The following INTS6 variants were observed in gnomAD, a reference collection of about 807,000 sequenced individuals.
INTS6 encodes the protein integrator complex subunit 6.
A neutral mutation model predicts 104.9 loss-of-function variants in INTS6; 16 were observed. That is an observed-to-expected ratio of 0.15 (90% CI 0.10 to 0.23). The LOEUF (loss-of-function observed/expected upper bound fraction) is 0.23, where lower values mean the gene tolerates loss of function less well. Ranked by LOEUF, INTS6 falls within the 10% of genes least tolerant of loss-of-function variation. INTS6 has a pLI of 1.00. For synonymous variants in INTS6, 324 were observed against 358.7 expected (o/e 0.90, Z 1.09); for missense variants, 584 against 1,062.8 (o/e 0.55, Z 6.26).
In INTS6 at chr13:51,451,989, A is replaced by T; in HGVS notation, c.178T>A (p.Tyr60Asn). ...YMLVTFEEPP[Y>N]AIKAGWKENH... ...GCGAGGGCTGTTACCTTGATAGCAT[A>T]GGGCGGCTCTTCGAAAGTGACCAGC... Residue 60 changes from tyrosine to asparagine, a missense_variant, in exon 2 of 18, where the codon TAT becomes AAT. By Grantham distance (143) the Tyr-to-Asn change is moderately radical. Coordinates refer to ENST00000311234, the MANE Select transcript of INTS6 (RefSeq NM_012141.3). 6.2e-7 allele frequency: 1 copy of T among 1,608,942 alleles called. No homozygotes were observed. Among genetic ancestry groups the T allele is most frequent in the Non-Finnish European group, 8.5e-7 (1 of 1,177,022 alleles).
At chr13:51,367,521 T>C (rs1192394779) in intron 17 of INTS6, among the ~76,000 whole-genome samples, 1 of 152,054 alleles carries the variant, frequency 6.6e-6, no homozygotes, top group Non-Finnish European at 1.5e-5. Context: ...AAAATATTAA[T>C]GTAAAGATAT....
Position 51,379,585 on chromosome 13 carries a change from A to G in INTS6, c.1276-13T>C, listed in dbSNP as rs1956005220. 2 of 1,432,194 alleles carry G rather than the reference A, an allele frequency of 1.4e-6. No individual in the cohort carries two copies. Among genetic ancestry groups the G allele is most frequent in the East Asian group, 2.4e-5 (1 of 42,474 alleles). The allele number at this position is 1,432,194 out of a possible 1,614,324, so 88.7% of individuals were successfully genotyped here. ...CTTTCTTCAAGGGCTATAGGAAAAA[A>G]GAAAACATCATTCAATATTAAGCTT... On this transcript the variant is annotated splice_polypyrimidine_tract_variant and intron_variant, in intron 10 of 17. Coordinates refer to ENST00000311234, the MANE Select transcript of INTS6 (RefSeq NM_012141.3).
At chr13:51,451,229 G>A (rs1211706299) in intron 2 of INTS6, 55 bp from the exon 3 acceptor site, 6 of 1,403,902 alleles carry the variant, frequency 4.3e-6, no homozygotes, top group East Asian at 4.9e-5. Context: ...CATGTACACA[G>A]AGCCGTTATA....
chr13:51,371,645 A>G (rs557358054), intron 15 of INTS6, among the ~76,000 whole-genome samples: 2 of 151,938 alleles, frequency 1.3e-5, no homozygotes, highest in South Asian at 4.2e-4. Context: ...CACAATCACC[A>G]TCTCTACTTG....
At chr13:51,370,362 T>C (rs750562000) in intron 15 of INTS6, among the ~76,000 whole-genome samples, 4 of 152,176 alleles carry the variant, frequency 2.6e-5, no homozygotes, top group East Asian at 1.9e-4. Context: ...GACTCAACCA[T>C]GCCATTCACG....
chr13:51,370,622 T>C (rs1955784158), intron 15 of INTS6, among the ~76,000 whole-genome samples: 1 of 152,140 alleles, frequency 6.6e-6, no homozygotes, highest in Non-Finnish European at 1.5e-5. Context: ...AGAAGCACCT[T>C]ACATACAGTC....
the INTS6 span, among the ~76,000 whole-genome samples, chr13:51,342,178 C>CAAAAAAAAAAAAAAAA: frequency 1.6e-5 from 1 of 63,578 alleles, no homozygotes; most frequent in African/African-American, 5.3e-5. Context: ...AAAGACAGAA[C>CAAAAAAAAAAAAAAAA]AAAAAAAAAA....
chr13:51,451,003 G>T, intron 3 of INTS6, 22 bp downstream of exon 3: 1 of 1,475,772 alleles, frequency 6.8e-7, no homozygotes, highest in East Asian at 2.4e-5. Flanking sequence ...CAACTATTTT[G>T]CCACCTTATT....
intron 11 of INTS6, among the ~76,000 whole-genome samples, 169 bp from the exon 12 acceptor site, chr13:51,378,623 AAAC>A (rs1023977410): frequency 2.0e-5 from 3 of 152,084 alleles, no homozygotes; most frequent in African/African-American, 7.2e-5. Flanking sequence ...AACATAGTTT[AAAC>A]AACAATGTCT....
chr13:51,447,183 TAATA>T (rs973159433), intron 3 of INTS6: 1 of 152,208 alleles, frequency 6.6e-6, no homozygotes, highest in Non-Finnish European at 1.5e-5. Context: ...GTCTATAGCT[TAATA>T]AATATCAAAC....
At chr13:51,335,319 T>C in the INTS6 span, among the ~76,000 whole-genome samples, 1 of 151,962 alleles carries the variant, frequency 6.6e-6, no homozygotes, top group African/African-American at 2.4e-5. Flanking sequence ...ACAACCACAA[T>C]ATAGAAAAAT....
intron 3 of INTS6, among the ~76,000 whole-genome samples, chr13:51,354,514 G>A (rs537386560): frequency 5.3e-5 from 8 of 151,936 alleles, no homozygotes; most frequent in East Asian, 1.9e-4. Context: ...CCAGCTACTC[G>A]GGAAGCTAAG....
intron 3 of INTS6, 135 bp from the exon 4 acceptor site, chr13:51,430,518 C>T (rs557521082): frequency 1.4e-5 from 8 of 554,148 alleles, no homozygotes; most frequent in Non-Finnish European, 2.2e-5. Flanking sequence ...CCTGTTTGTA[C>T]ATTTTAAGAA....
chr13:51,450,945 G>A, intron 3 of INTS6, 80 bp downstream of exon 3: 1 of 1,392,350 alleles, frequency 7.2e-7, no homozygotes, highest in Non-Finnish European at 9.4e-7. Flanking sequence ...TGCATTTCAT[G>A]TTATGTAGTT....
intron 4 of INTS6, among the ~76,000 whole-genome samples, chr13:51,411,767 T>G (rs1956692092): frequency 6.6e-6 from 1 of 152,196 alleles, no homozygotes; most frequent in Non-Finnish European, 1.5e-5. Context: ...TTGCAGTTTC[T>G]TATAAAGCTA....
intron 3 of INTS6, chr13:51,446,033 T>C (rs905531693): frequency 6.6e-6 from 1 of 152,192 alleles, no homozygotes; most frequent in Non-Finnish European, 1.5e-5. Flanking sequence ...ATTTTGTGGA[T>C]GACACCAAAG....
intron 4 of INTS6, among the ~76,000 whole-genome samples, chr13:51,401,339 G>C (rs1416969282): frequency 6.6e-6 from 1 of 152,114 alleles, no homozygotes; most frequent in Non-Finnish European, 1.5e-5. Flanking sequence ...AGTACTTTAA[G>C]AGTTCTAAAC....
At chr13:51,413,548 T>TA (rs1216508229) in intron 4 of INTS6, among the ~76,000 whole-genome samples, 1 of 152,200 alleles carries the variant, frequency 6.6e-6, no homozygotes, top group Non-Finnish European at 1.5e-5. Context: ...ATTATACCTC[T>TA]AATAAGTTGC....
At chr13:51,381,702 T>G (rs9596508) in intron 10 of INTS6, among the ~76,000 whole-genome samples, 20 of 22,796 alleles carry the variant, frequency 8.8e-4, no homozygotes, top group African/African-American at 3.2e-3. Context: ...AAGTTTTTTG[T>G]TTTTTTTTTT....
Sources: gnomAD v4.1 joint callset for allele counts (sites outside exome capture counted in the v4.1 genomes callset) on GRCh38, gnomAD v4.1.1 for gene constraint, MANE v1.5 for transcripts, NCBI Gene and HGNC (gene_info 2026-07-23, HGNC 2026-07-21) for gene names.